WWTR1: variants seen among roughly 807,000 people sequenced by gnomAD.
WWTR1 encodes the protein WW domain containing transcription regulator 1, also known as WW domain-containing transcription regulator protein 1.
In WWTR1, 13 loss-of-function variants were observed where a neutral mutation model predicts 40.1. The ratio of observed to expected loss-of-function variants is 0.32; its 90% CI spans 0.21 to 0.52. The LOEUF is 0.52. WWTR1 is among the 20% of genes least tolerant of loss of function. The pLI, the probability that WWTR1 is intolerant of heterozygous loss-of-function variation, is 0.97. For missense variants in WWTR1, 436 were observed against 523.1 expected, an observed-to-expected ratio of 0.83 and a Z score of 1.63; for synonymous variants, 230 against 210.1, an observed-to-expected ratio of 1.09 and a Z score of -0.82.
chr3:149,563,568 A>C (rs939632530), intron 3 of WWTR1, among the ~76,000 whole-genome samples: 1 of 152,194 alleles, frequency 6.6e-6, no homozygotes, highest in Admixed American at 6.5e-5. Flanking sequence ...CACCAAAATG[A>C]CAAAAGTCAA....
intron 2 of WWTR1, among the ~76,000 whole-genome samples, chr3:149,592,187 T>G (rs1560075538): frequency 6.6e-6 from 1 of 152,228 alleles, no homozygotes; most frequent in Admixed American, 6.5e-5. Context: ...TCTCCTAATA[T>G]TTATACAATA....
At chr3:149,532,109 G>C (rs770782035) in intron 4 of WWTR1, among the ~76,000 whole-genome samples, 3 of 152,176 alleles carry the variant, frequency 2.0e-5, no homozygotes, top group Non-Finnish European at 2.9e-5. Context: ...TTAACCCTCT[G>C]TTCTTCATTT....
At chr3:149,711,903 A>G (rs2108231515) in intron 5 of WWTR1, among the ~76,000 whole-genome samples, 1 of 152,276 alleles carries the variant, frequency 6.6e-6, no homozygotes, top group Non-Finnish European at 1.5e-5. Context: ...AATATTTAGC[A>G]TTCTCTGAAA....
chr3:149,660,618 G>A (rs1177463898), upstream of WWTR1, among the ~76,000 whole-genome samples: 3 of 152,212 alleles, frequency 2.0e-5, no homozygotes, highest in South Asian at 2.1e-4. Flanking sequence ...GGTACTGCCC[G>A]TAAGAGGCAG....
chr3:149,723,180 CTTTTCTT>C (rs1394504966), intron 4 of WWTR1, among the ~76,000 whole-genome samples: 2 of 49,156 alleles, frequency 4.1e-5, no homozygotes, highest in Non-Finnish European at 1.0e-4. Context: ...GTTTTCTTTT[CTTTTCTT>C]TTTTTTTTTT....
At chr3:149,571,113 T>TAC (rs558711232) in intron 3 of WWTR1, among the ~76,000 whole-genome samples, 22 of 151,152 alleles carry the variant, frequency 1.5e-4, no homozygotes, top group Admixed American at 1.3e-3. Flanking sequence ...TGATTAAACA[T>TAC]ACACACACAC....
intron 2 of WWTR1, among the ~76,000 whole-genome samples, chr3:149,654,837 G>A (rs1370961701): frequency 1.9e-4 from 29 of 152,080 alleles, no homozygotes; most frequent in Non-Finnish European, 3.4e-4. Context: ...ATCATGTAGG[G>A]CTGGGGCCAG....
At chr3:149,721,701 T>C (rs1157872280) in intron 4 of WWTR1, among the ~76,000 whole-genome samples, 1 of 152,156 alleles carries the variant, frequency 6.6e-6, no homozygotes, top group Non-Finnish European at 1.5e-5. Context: ...ATGTTTGGTA[T>C]AATTCACTGG....
chr3:149,577,543 A>G (rs910905727), intron 2 of WWTR1, among the ~76,000 whole-genome samples: 1 of 152,092 alleles, frequency 6.6e-6, no homozygotes, highest in African/African-American at 2.4e-5. Flanking sequence ...CCTGGCCTCC[A>G]ATTACATTAT....
chr3:149,706,804 A>G (rs1378311075), upstream of WWTR1, among the ~76,000 whole-genome samples: 1 of 152,180 alleles, frequency 6.6e-6, no homozygotes, highest in African/African-American at 2.4e-5. Context: ...CTTCTAGGAA[A>G]CCTTTTAAGA....
chr3:149,629,581 G>T (rs574906129), intron 2 of WWTR1, among the ~76,000 whole-genome samples: 3 of 152,232 alleles, frequency 2.0e-5, no homozygotes, highest in Non-Finnish European at 4.4e-5. Flanking sequence ...CCAGTAACTT[G>T]TTACCCAAGT....
intron 4 of WWTR1, among the ~76,000 whole-genome samples, chr3:149,719,653 A>G (rs1016618482): frequency 6.6e-6 from 1 of 152,198 alleles, no homozygotes. Context: ...GCTGGATCAT[A>G]TGGTAAATCT....
upstream of WWTR1, among the ~76,000 whole-genome samples, chr3:149,708,133 A>G (rs11917611): frequency 0.028 from 4,219 of 152,204 alleles, 193 homozygotes; most frequent in African/African-American, 0.096. Flanking sequence ...GTACCTGGAC[A>G]TGTAAGTGAC....
intron 5 of WWTR1, 58 bp downstream of exon 5, chr3:149,527,778 T>C (rs1481570387): frequency 6.2e-6 from 10 of 1,607,008 alleles, no homozygotes; most frequent in Non-Finnish European, 8.5e-6. Flanking sequence ...GATCCTATTA[T>C]AGTCTAGATC....
chr3:149,547,419 G>A (rs558164442), intron 3 of WWTR1, among the ~76,000 whole-genome samples: 2 of 151,976 alleles, frequency 1.3e-5, no homozygotes, highest in East Asian at 1.9e-4. Context: ...CCAGCTACTC[G>A]GGAGGCTGAG....
intron 1 of WWTR1, chr3:149,702,671 G>C (rs895036221): frequency 1.3e-5 from 2 of 151,964 alleles, no homozygotes; most frequent in Non-Finnish European, 2.9e-5. Flanking sequence ...AAAAAAAAAG[G>C]AGTATCAGAC....
chr3:149,596,704 G>A (rs146841743), intron 2 of WWTR1, among the ~76,000 whole-genome samples: 192 of 152,336 alleles, frequency 1.3e-3, no homozygotes, highest in East Asian at 5.2e-3. Context: ...AATGATGTGC[G>A]CAATGGCGAA....
At chr3:149,638,077 G>C (rs868418908) in intron 2 of WWTR1, among the ~76,000 whole-genome samples, 1 of 152,058 alleles carries the variant, frequency 6.6e-6, no homozygotes, top group South Asian at 2.1e-4. Flanking sequence ...TTAGCCAGGC[G>C]TGGTGCTGTA....
chr3:149,630,158 A>T (rs993579188), intron 2 of WWTR1, among the ~76,000 whole-genome samples: 3 of 152,194 alleles, frequency 2.0e-5, no homozygotes, highest in African/African-American at 7.2e-5. Flanking sequence ...CTTCAAGGAT[A>T]TTAGAATAAT....
Sources: gnomAD v4.1 joint callset for allele counts (sites outside exome capture counted in the v4.1 genomes callset) on GRCh38, gnomAD v4.1.1 for gene constraint, MANE v1.5 for transcripts, NCBI Gene and HGNC (gene_info 2026-07-23, HGNC 2026-07-21) for gene names.